VTI1A: variants seen among roughly 807,000 people sequenced by gnomAD.
VTI1A encodes the protein vesicle transport through interaction with t-SNAREs homolog 1A.
In VTI1A, 22 loss-of-function variants were observed where a neutral mutation model predicts 34.9. That is an observed-to-expected ratio of 0.63 (90% CI 0.45 to 0.90). The LOEUF (loss-of-function observed/expected upper bound fraction) is 0.90. Ranked by LOEUF, VTI1A falls within the 40% of genes least tolerant of loss-of-function variation. The pLI, the probability that VTI1A is intolerant of heterozygous loss-of-function variation, is 0.00. For synonymous variants in VTI1A, 87 were observed against 97.3 expected, an observed-to-expected ratio of 0.89 and a Z score of 0.62; for missense variants, 268 against 275.6, an observed-to-expected ratio of 0.97 and a Z score of 0.20.
chr10:112,620,082 C>T (rs1845670963), intron 5 of VTI1A, among the ~76,000 whole-genome samples: 1 of 152,210 alleles, frequency 6.6e-6, no homozygotes, highest in African/African-American at 2.4e-5. Context: ...TAAAAGCACA[C>T]TATGTTTTTA....
intron 5 of VTI1A, chr10:112,548,599 T>G: frequency 1.1e-6 from 1 of 875,400 alleles, no homozygotes; most frequent in Non-Finnish European, 1.9e-6. Flanking sequence ...GCAGGTATTA[T>G]TCATTGAATA....
chr10:112,712,656 C>A (rs150441885), intron 7 of VTI1A, among the ~76,000 whole-genome samples: 1 of 152,074 alleles, frequency 6.6e-6, no homozygotes. Flanking sequence ...CAACACATGC[C>A]CTGATAAGAA....
At chr10:112,707,881 A>G (rs1849255607) in intron 7 of VTI1A, among the ~76,000 whole-genome samples, 1 of 152,226 alleles carries the variant, frequency 6.6e-6, no homozygotes, top group East Asian at 1.9e-4. Context: ...TGTTTGGTTC[A>G]TGTAATTGCC....
chr10:112,780,964 T>C (rs1852104949), intron 7 of VTI1A, among the ~76,000 whole-genome samples: 1 of 152,070 alleles, frequency 6.6e-6, no homozygotes, highest in Admixed American at 6.6e-5. Context: ...CTTCAGAATA[T>C]ATATATATAT....
At chr10:112,819,560 T>C (rs74156820), downstream of VTI1A, among the ~76,000 whole-genome samples, 275 of 152,238 alleles carry the variant, frequency 1.8e-3, 1 homozygote, top group African/African-American at 6.3e-3. Flanking sequence ...GTCTTGGGCA[T>C]CTCCGTGCCG....
intron 5 of VTI1A, among the ~76,000 whole-genome samples, chr10:112,604,642 C>T (rs544181980): frequency 2.6e-5 from 4 of 152,310 alleles, no homozygotes; most frequent in East Asian, 3.9e-4. Flanking sequence ...TCTCATGGAA[C>T]TGTTTGGGCA....
intron 7 of VTI1A, among the ~76,000 whole-genome samples, chr10:112,742,809 C>T (rs1218425355): frequency 6.6e-6 from 1 of 152,100 alleles, no homozygotes; most frequent in Non-Finnish European, 1.5e-5. Flanking sequence ...GTACTACTTC[C>T]TTCCATTTAA....
At chr10:112,772,351 T>C (rs1222543274) in intron 7 of VTI1A, among the ~76,000 whole-genome samples, 5 of 152,226 alleles carry the variant, frequency 3.3e-5, no homozygotes. Flanking sequence ...TTATATCTTC[T>C]TTGGAGATGT....
chr10:112,489,539 G>T (rs1324849635), intron 3 of VTI1A, among the ~76,000 whole-genome samples: 1 of 152,156 alleles, frequency 6.6e-6, no homozygotes, highest in Non-Finnish European at 1.5e-5. Flanking sequence ...TCTTTGATTA[G>T]CTGTAGGCAT....
At chr10:112,712,986 G>T (rs956261632) in intron 7 of VTI1A, among the ~76,000 whole-genome samples, 3 of 152,166 alleles carry the variant, frequency 2.0e-5, no homozygotes, top group African/African-American at 7.2e-5. Flanking sequence ...CACTGACATC[G>T]TGTCTCTCCA....
At chr10:112,603,461 T>G (rs2120928) in intron 5 of VTI1A, among the ~76,000 whole-genome samples, 1 of 151,914 alleles carries the variant, frequency 6.6e-6, no homozygotes, top group Non-Finnish European at 1.5e-5. Context: ...TTAATTTAAT[T>G]TTGTTTTATG....
intron 7 of VTI1A, among the ~76,000 whole-genome samples, chr10:112,675,721 G>GTCTT (rs1848001460): frequency 6.6e-6 from 1 of 152,130 alleles, no homozygotes; most frequent in African/African-American, 2.4e-5. Flanking sequence ...TGTCATCTGA[G>GTCTT]TCTTATCCTT....
At chr10:112,804,269 G>C (rs1444381035) in intron 7 of VTI1A, among the ~76,000 whole-genome samples, 2 of 152,168 alleles carry the variant, frequency 1.3e-5, no homozygotes, top group Admixed American at 6.5e-5. Flanking sequence ...ATGGATACCA[G>C]CCTGTGGGAA....
chr10:112,616,789 A>C (rs932173255), intron 5 of VTI1A, among the ~76,000 whole-genome samples: 2 of 152,200 alleles, frequency 1.3e-5, no homozygotes, highest in Non-Finnish European at 2.9e-5. Flanking sequence ...AATGGATTTA[A>C]AAGCAGATCT....
chr10:112,579,855 C>T (rs1843856419), intron 5 of VTI1A, among the ~76,000 whole-genome samples: 1 of 152,010 alleles, frequency 6.6e-6, no homozygotes, highest in Non-Finnish European at 1.5e-5. Context: ...AGAGATTTTT[C>T]AAGAAAGAGA....
chr10:112,635,339 T>G (rs1846312580), intron 5 of VTI1A, among the ~76,000 whole-genome samples: 1 of 152,100 alleles, frequency 6.6e-6, no homozygotes, highest in African/African-American at 2.4e-5. Flanking sequence ...CCGTGAGCAG[T>G]CAGCAGGATT....
chr10:112,457,336 T>G (rs1847569348), intron 1 of VTI1A, among the ~76,000 whole-genome samples: 1 of 152,224 alleles, frequency 6.6e-6, no homozygotes, highest in African/African-American at 2.4e-5. Flanking sequence ...TTTCATTTTT[T>G]GAAAACTGAT....
chr10:112,849,914 C>G, the VTI1A span, among the ~76,000 whole-genome samples: 1 of 152,246 alleles, frequency 6.6e-6, no homozygotes, highest in South Asian at 2.1e-4. Flanking sequence ...CTTAGTTCTT[C>G]CTAAGGGGAG....
chr10:112,815,743 A>G lies in VTI1A; in HGVS notation c.*360A>G, dbSNP rs531820011. The G allele has an allele frequency of 3.6e-6, 1 of 279,144 alleles. No individual in the cohort carries two copies. Among genetic ancestry groups the G allele is most frequent in the South Asian group, 8.9e-5 (1 of 11,224 alleles). 17.3% of individuals were successfully genotyped at this position (279,144 alleles called of 1,614,324 possible). Reference sequence around the variant, plus strand: ...GAGGACATGATGAGTCAGTCACGAGAGCTTCTGTTTGTCACCCGCCTCTTG... The same window carrying G: ...GAGGACATGATGAGTCAGTCACGAGGGCTTCTGTTTGTCACCCGCCTCTTG... On this transcript the variant is annotated 3_prime_UTR_variant, in exon 8 of 8. Transcript: ENST00000393077.
Sources: allele counts gnomAD v4.1 joint callset (sites outside exome capture counted in the v4.1 genomes callset), GRCh38; gene constraint gnomAD v4.1.1; transcripts MANE v1.5; gene names NCBI Gene and HGNC (gene_info 2026-07-23, HGNC 2026-07-21).